Variants in UNC5CL observed in about 807,000 individuals in gnomAD.
UNC5CL encodes unc-5 family C-terminal like.
In UNC5CL, 42 loss-of-function variants were observed where a neutral mutation model predicts 54.1. The ratio of observed to expected loss-of-function variants is 0.78; its 90% CI spans 0.61 to 1.00. UNC5CL has a LOEUF of 1.00. UNC5CL is among the 50% of genes least tolerant of loss of function. UNC5CL has a pLI of 0.00. For synonymous variants in UNC5CL, 285 were observed against 285.1 expected, an observed-to-expected ratio of 1.00 and a Z score of 0.00; for missense variants, 619 against 675.6, an observed-to-expected ratio of 0.92 and a Z score of 0.93.
In UNC5CL at chr6:41,033,160, C is replaced by T. The variant is rs1561830130; in HGVS notation, c.687-14G>A. On this transcript the variant is annotated splice_polypyrimidine_tract_variant and intron_variant, in intron 3 of 8. Transcript: ENST00000244565. ...CAGGTGTAGAGGCTGCAGAGGGAGCCAGTGGCAGGCACTAATGTGCAGGGA... is the reference window on the plus strand; with the variant it reads ...CAGGTGTAGAGGCTGCAGAGGGAGCTAGTGGCAGGCACTAATGTGCAGGGA... 1 of 1,609,450 alleles carries T rather than the reference C, an allele frequency of 6.2e-7. No homozygotes were observed. Among genetic ancestry groups the T allele is most frequent in the Non-Finnish European group, 8.5e-7 (1 of 1,178,142 alleles).
rs1016381944 is a variant in UNC5CL, at chr6:41,035,181, T to A, written c.-61-46A>T. The A allele has an allele frequency of 1.3e-5, 18 of 1,426,020 alleles. No individual in the cohort carries two copies. The African/African-American group carries it at 2.6e-4, about 20-fold the overall frequency. 88.3% of individuals were successfully genotyped at this position (1,426,020 alleles called of 1,614,324 possible). On this transcript the variant is annotated intron_variant, in intron 1 of 8. Transcript: ENST00000244565. ...AGTGTCAGGGTAAGCCCTTTTAAGT[T>A]GTGGAGGTCAAGGCTTGGCTTACAC...
rs747707547 is a variant in UNC5CL at position 41,028,605 on chromosome 6, G to A, written c.1335-10C>T. Reference sequence around the variant, plus strand: ...CTGGCAGGACAGGAACCTGGCCCGAGGTAGGGGAGGAAGAGAAGGGTGTAG... The same window carrying A: ...CTGGCAGGACAGGAACCTGGCCCGAAGTAGGGGAGGAAGAGAAGGGTGTAG... On this transcript the variant is annotated splice_polypyrimidine_tract_variant and intron_variant, in intron 8 of 8. Coordinates refer to ENST00000244565, the MANE Select transcript of UNC5CL (RefSeq NM_173561.3). This position sits in a 1 kb window ranked among gnomAD's most constrained non-coding sequence, Gnocchi z 4.3. 1 of 1,611,098 alleles carries A rather than the reference G, an allele frequency of 6.2e-7. No homozygotes were observed. The highest frequency in any genetic ancestry group is 1.1e-5 in the South Asian group (1 of 91,016).
Position 41,028,720 on chromosome 6 carries a change from G to C in UNC5CL, c.1335-125C>G, listed in dbSNP as rs1021364426. ...TCCCCATCCTGTAGCTTTTGTCCTT[G>C]TCCTGCTCTTGCCTGCCTTCCAGGG... On this transcript the variant is annotated intron_variant, in intron 8 of 8. Transcript: ENST00000244565. The surrounding 1 kb of genome is among the most constrained non-coding windows in gnomAD (Gnocchi z 4.3). 2 of 912,010 alleles carry C rather than the reference G, an allele frequency of 2.2e-6. No homozygotes were observed. The highest frequency in any genetic ancestry group is 3.4e-5 in the South Asian group (2 of 58,042). 56.5% of individuals were successfully genotyped at this position (912,010 alleles called of 1,614,324 possible).
intron 4 of UNC5CL, among the ~76,000 whole-genome samples, chr6:41,032,629 T>C (rs572312993): frequency 6.6e-6 from 1 of 152,224 alleles, no homozygotes; most frequent in Non-Finnish European, 1.5e-5. Context: ...GGCATGGTGG[T>C]GGGCACCTGT....
chr6:41,031,020 G>A (rs1762448111), intron 6 of UNC5CL, among the ~76,000 whole-genome samples: 1 of 152,288 alleles, frequency 6.6e-6, no homozygotes, highest in African/African-American at 2.4e-5. Flanking sequence ...TGAGCCACCA[G>A]GGGAAGTCCT....
chr6:41,029,409 G>C lies in UNC5CL; in HGVS notation c.1335-814C>G, dbSNP rs1581974678. The stretch of plus-strand genomic sequence containing the variant: ...ATTATTCTTGCTTCAGCTGTTTTCT[G>C]TCTCTCTTCAATGTGTTATACAATA... On this transcript the variant is annotated intron_variant, in intron 8 of 8. Transcript: ENST00000244565. The surrounding 1 kb of genome is among the most constrained non-coding windows in gnomAD (Gnocchi z 4.1). Among the ~76,000 whole-genome samples, 2 of 152,316 alleles carry C rather than the reference G, an allele frequency of 1.3e-5. No individual in the cohort carries two copies. Among genetic ancestry groups the C allele is most frequent in the Admixed American group, 1.3e-4 (2 of 15,310 alleles).
chr6:41,037,151 A>G (rs368747395), intron 1 of UNC5CL, among the ~76,000 whole-genome samples: 1 of 152,108 alleles, frequency 6.6e-6, no homozygotes, highest in South Asian at 2.1e-4. Flanking sequence ...CAGCTCGCGA[A>G]ATCTCTCTCC....
intron 1 of UNC5CL, among the ~76,000 whole-genome samples, chr6:41,035,877 C>T (rs1475353526): frequency 6.6e-6 from 1 of 152,158 alleles, no homozygotes; most frequent in African/African-American, 2.4e-5. Context: ...CCTCCTGCCT[C>T]AATACTGCTT....
At chr6:41,037,792 C>A (rs973726408) in intron 1 of UNC5CL, among the ~76,000 whole-genome samples, 4 of 152,232 alleles carry the variant, frequency 2.6e-5, no homozygotes, top group Non-Finnish European at 4.4e-5. Flanking sequence ...GGGGTTGGAG[C>A]AGCAAGCTAC....
chr6:41,031,736 T>C lies in UNC5CL; in HGVS notation c.1064A>G (p.Glu355Gly), dbSNP rs751001018. The C allele has an allele frequency of 1.9e-5, 31 of 1,614,154 alleles. No homozygotes were observed. The South Asian group carries it at 3.4e-4, about 18-fold the overall frequency. ...CTCATTGGTTAGTGCTGAACAGTCC[T>C]CATTCTCATCGGCTATAAAGAGAAG... ...CFRRKAADEN[E>G]DCSALTNEII... is the part of the protein sequence containing the mutation. The change falls in exon 6 of 9, where the codon GAG (glutamate) becomes GGG (glycine). Residue 355 changes from glutamate (E) to glycine (G), a missense_variant. Transcript: ENST00000244565.
At chr6:41,032,760 C>A in intron 4 of UNC5CL, 124 bp downstream of exon 4, 1 of 1,397,248 alleles carries the variant, frequency 7.2e-7, no homozygotes. Context: ...AACTCCATCT[C>A]GGGAAAAAAA....
chr6:41,032,825 AC>A (rs1762471112), intron 4 of UNC5CL, 58 bp downstream of exon 4: 2 of 1,502,384 alleles, frequency 1.3e-6, no homozygotes, highest in Admixed American at 2.2e-5. Flanking sequence ...GAGGCCCAGA[AC>A]CCTTCATTCC....
At position 41,029,924 on chromosome 6, in the gene UNC5CL, G is replaced by A. The variant is rs969300583; in HGVS notation, c.1334+464C>T. ...CACCAGGATAAAGTCTTCCCTGACC[G>A]CTGCACTCATAGTGTAGTTTCTGGA... is the stretch of plus-strand genomic sequence containing the variant. On this transcript the variant is annotated intron_variant, in intron 8 of 8. Coordinates refer to ENST00000244565, the MANE Select transcript of UNC5CL (RefSeq NM_173561.3). This position sits in a 1 kb window ranked among gnomAD's most constrained non-coding sequence, Gnocchi z 4.1. Among the ~76,000 whole-genome samples, 5 of 152,164 alleles carry A rather than the reference G, an allele frequency of 3.3e-5. No homozygotes were observed. Among genetic ancestry groups the A allele is most frequent in the Non-Finnish European group, 5.9e-5 (4 of 68,028 alleles).
chr6:41,032,183 AAAC>A, intron 4 of UNC5CL, 46 bp from the exon 5 acceptor site: 1 of 1,516,088 alleles, frequency 6.6e-7, no homozygotes, highest in Non-Finnish European at 9.2e-7. Flanking sequence ...GTGGGGCCTT[AAAC>A]AAGTATTGAA....
rs139649577 is a variant in UNC5CL, at chr6:41,030,846, T to C, written c.1120-91A>G. On this transcript the variant is annotated intron_variant, in intron 6 of 8. Coordinates refer to ENST00000244565, the MANE Select transcript of UNC5CL (RefSeq NM_173561.3). ...GAGTCCTACCTCCATTCCTCATGTC[T>C]CTCCTTCAGTCTGTCACTCAGAGCC... is the stretch of plus-strand genomic sequence containing the variant. 1,510 of 1,139,972 alleles carry C rather than the reference T, an allele frequency of 1.3e-3. 16 individuals carry two copies. The African/African-American group carries it at 0.019, about 15-fold the overall frequency. 70.6% of individuals were successfully genotyped at this position (1,139,972 alleles called of 1,614,324 possible).
chr6:41,034,682 G>A lies in UNC5CL; in HGVS notation c.385+8C>T, dbSNP rs1189985197. On this transcript the variant is annotated splice_region_variant and intron_variant, in intron 2 of 8. Transcript: ENST00000244565. The stretch of plus-strand genomic sequence containing the variant: ...CTGTATGCGGAGATGAGAGCCAGGA[G>A]CTGTTACCTGGTGGGATGAGCAAGG... The A allele has an allele frequency of 6.9e-6, 11 of 1,599,276 alleles. No individual in the cohort carries two copies. The highest frequency in any genetic ancestry group is 9.3e-6 in the Non-Finnish European group (11 of 1,178,194).
At chr6:41,032,792 C>A in intron 4 of UNC5CL, 92 bp downstream of exon 4, 1 of 1,448,252 alleles carries the variant, frequency 6.9e-7, no homozygotes, top group South Asian at 1.5e-5. Flanking sequence ...ACTTGGGATC[C>A]CCAGATCTCC....
chr6:41,028,632 A>T lies in UNC5CL; in HGVS notation c.1335-37T>A. 6.3e-7 allele frequency: 1 copy of T among 1,591,900 alleles called. No individual in the cohort carries two copies. The highest frequency in any genetic ancestry group is 8.6e-7 in the Non-Finnish European group (1 of 1,168,316). The stretch of plus-strand genomic sequence containing the variant: ...TAGGGGAGGAAGAGAAGGGTGTAGG[A>T]GCAGGGAGGGGCTCCCCCCCTGCTG... On this transcript the variant is annotated intron_variant, in intron 8 of 8. Coordinates refer to ENST00000244565, the MANE Select transcript of UNC5CL (RefSeq NM_173561.3). The surrounding 1 kb of genome is among the most constrained non-coding windows in gnomAD (Gnocchi z 4.3).
Position 41,030,510 on chromosome 6 carries a change from G to A in UNC5CL, c.1221-9C>T, listed in dbSNP as rs1762441838. ...AGAGCTCTGGGGGCAGCCTTAGGCA[G>A]GGAAAAGGGTGTTCTTGGAAGAAAG... On this transcript the variant is annotated splice_polypyrimidine_tract_variant and intron_variant, in intron 7 of 8. Transcript: ENST00000244565. 6.2e-7 allele frequency: 1 copy of A among 1,614,144 alleles called. No individual in the cohort carries two copies. The highest frequency in any genetic ancestry group is 8.5e-7 in the Non-Finnish European group (1 of 1,179,990).
Sources: gnomAD v4.1 joint callset for allele counts (sites outside exome capture counted in the v4.1 genomes callset) on GRCh38, gnomAD v4.1.1 for gene constraint, Gnocchi (gnomAD v3.1) non-coding constraint, MANE v1.5 for transcripts, NCBI Gene and HGNC (gene_info 2026-07-23, HGNC 2026-07-21) for gene names.